ITGA8: variants seen among roughly 807,000 people sequenced by gnomAD.
The protein encoded by ITGA8 is integrin alpha-8.
A neutral mutation model predicts 142.3 loss-of-function variants in ITGA8; 91 were observed. The observed-to-expected ratio is 0.64, with a 90% CI of 0.54 to 0.76. The LOEUF is 0.76. Among genes scored for constraint, ITGA8 ranks in the 30% least tolerant of loss-of-function variants. The pLI, the probability that ITGA8 is intolerant of heterozygous loss-of-function variation, is 0.00. For synonymous variants in ITGA8, 505 were observed against 485.2 expected (o/e 1.04, Z -0.54); for missense variants, 1,406 against 1,327.7 (o/e 1.06, Z -0.92).
At chr10:15,594,138 C>A (rs942312655) in intron 21 of ITGA8, among the ~76,000 whole-genome samples, 7 of 152,058 alleles carry the variant, frequency 4.6e-5, no homozygotes, top group Non-Finnish European at 8.8e-5. Flanking sequence ...AAGGGCCCGG[C>A]CGGATGAATT....
chr10:15,659,095 T>C (rs774740287), intron 9 of ITGA8, 40 bp from the exon 10 acceptor site: 77 of 1,396,734 alleles, frequency 5.5e-5, no homozygotes, highest in Non-Finnish European at 7.1e-5. Flanking sequence ...CCATTTGCCA[T>C]AGAATTGGAG....
At chr10:15,717,148 G>GA (rs1241969890) in intron 2 of ITGA8, among the ~76,000 whole-genome samples, 1 of 151,844 alleles carries the variant, frequency 6.6e-6, no homozygotes, top group Admixed American at 6.6e-5. Flanking sequence ...TTTATCAAAA[G>GA]AAAAAAATAC....
At chr10:15,572,158 T>C (rs1274466825) in intron 25 of ITGA8, 53 bp downstream of exon 25, 1 of 1,441,676 alleles carries the variant, frequency 6.9e-7, no homozygotes, top group Non-Finnish European at 9.4e-7. Context: ...TTGTATTTTT[T>C]TCATACCATA....
intron 20 of ITGA8, among the ~76,000 whole-genome samples, chr10:15,598,835 C>T (rs1833051741): frequency 6.6e-6 from 1 of 152,178 alleles, no homozygotes; most frequent in Non-Finnish European, 1.5e-5. Context: ...TCCTGAAAGA[C>T]AGTTAGTTAC....
intron 4 of ITGA8, among the ~76,000 whole-genome samples, chr10:15,681,961 A>C (rs1834745486): frequency 1.3e-5 from 2 of 152,220 alleles, no homozygotes; most frequent in Admixed American, 6.5e-5. Context: ...TAGCATAACA[A>C]TACTGACCTC....
intron 8 of ITGA8, among the ~76,000 whole-genome samples, chr10:15,665,295 T>C (rs947490161): frequency 2.0e-5 from 3 of 152,244 alleles, no homozygotes; most frequent in African/African-American, 7.2e-5. Flanking sequence ...CATGTGTTTT[T>C]TGGCTGCATA....
chr10:15,647,496 C>T lies in ITGA8; in HGVS notation c.1002-445G>A, dbSNP rs45468992. ...TTTGAGACGGAGTCTCGCTCTGTCG[C>T]CCAGGCCGGACTGCGGACTGCAGTG... On this transcript the variant is annotated intron_variant, in intron 11 of 29. Coordinates refer to ENST00000378076, the MANE Select transcript of ITGA8 (RefSeq NM_003638.3). Among the ~76,000 whole-genome samples the T allele has an allele frequency of 6.4e-4, 89 of 138,314 alleles. 1 individual carries two copies. The highest frequency in any genetic ancestry group is 2.1e-4 in the Non-Finnish European group (14 of 65,736). 90.7% of individuals were successfully genotyped at this position (138,314 alleles called of 152,430 possible). A position where few individuals can be genotyped will look rare whatever the true frequency, so the allele number is the denominator to read the frequency against.
At chr10:15,694,328 T>TATATCATATATCAGATAAC (rs1835000445) in intron 2 of ITGA8, among the ~76,000 whole-genome samples, 1 of 117,406 alleles carries the variant, frequency 8.5e-6, no homozygotes, top group Non-Finnish European at 1.7e-5. Context: ...TATATGATAA[T>TATATCATATATCAGATAAC]ATATCATATA....
chr10:15,553,308 T>G (rs1020293476), intron 26 of ITGA8, among the ~76,000 whole-genome samples: 25 of 150,710 alleles, frequency 1.7e-4, no homozygotes, highest in African/African-American at 6.2e-4. Flanking sequence ...CATAGTTTTT[T>G]TTTTTTTTTT....
intron 6 of ITGA8, among the ~76,000 whole-genome samples, chr10:15,675,841 A>T (rs144328997): frequency 6.6e-6 from 1 of 152,210 alleles, no homozygotes; most frequent in Non-Finnish European, 1.5e-5. Context: ...CAAGCCTTCA[A>T]TGTGAAACCT....
At chr10:15,557,394 A>C (rs1264938275) in intron 26 of ITGA8, among the ~76,000 whole-genome samples, 2 of 152,188 alleles carry the variant, frequency 1.3e-5, no homozygotes, top group Non-Finnish European at 2.9e-5. Flanking sequence ...CAAACAAAAA[A>C]AGTGCTGACT....
chr10:15,697,032 T>A (rs1053814090), intron 2 of ITGA8, among the ~76,000 whole-genome samples: 3 of 89,498 alleles, frequency 3.4e-5, no homozygotes, highest in African/African-American at 1.2e-4. Flanking sequence ...GAGTAAGTAC[T>A]CTCTTGTCTC....
intron 15 of ITGA8, among the ~76,000 whole-genome samples, chr10:15,612,425 C>A (rs921071024): frequency 1.1e-4 from 16 of 152,206 alleles, no homozygotes; most frequent in African/African-American, 3.6e-4. Flanking sequence ...AGTTAGACCA[C>A]GTCTCCTGAA....
chr10:15,693,952 C>A (rs932992462), intron 2 of ITGA8, among the ~76,000 whole-genome samples: 10 of 151,474 alleles, frequency 6.6e-5, no homozygotes, highest in African/African-American at 2.4e-4. Flanking sequence ...GGTATCACAG[C>A]TTGGTATCAC....
intron 2 of ITGA8, among the ~76,000 whole-genome samples, chr10:15,711,663 G>A (rs1308765537): frequency 6.6e-6 from 1 of 151,338 alleles, no homozygotes; most frequent in Non-Finnish European, 1.5e-5. Flanking sequence ...CCCCCCAAAA[G>A]ATTCCCTGCT....
At chr10:15,600,809 T>G (rs1445946653) in intron 20 of ITGA8, among the ~76,000 whole-genome samples, 1 of 152,208 alleles carries the variant, frequency 6.6e-6, no homozygotes, top group Non-Finnish European at 1.5e-5. Flanking sequence ...CAGTGGCTGT[T>G]GGATGGACTC....
At chr10:15,568,093 T>G (rs1013664724) in intron 25 of ITGA8, among the ~76,000 whole-genome samples, 49 of 152,056 alleles carry the variant, frequency 3.2e-4, no homozygotes, top group African/African-American at 1.2e-3. Context: ...GGCTAATTTA[T>G]TTTTATTTTT....
At chr10:15,716,275 A>G (rs1442905504) in intron 2 of ITGA8, among the ~76,000 whole-genome samples, 1 of 152,242 alleles carries the variant, frequency 6.6e-6, no homozygotes, top group Non-Finnish European at 1.5e-5. Flanking sequence ...GTTGATAAGT[A>G]TAATAGTAGG....
chr10:15,542,911 A>T (rs1055800701), intron 27 of ITGA8, among the ~76,000 whole-genome samples: 3 of 152,250 alleles, frequency 2.0e-5, no homozygotes, highest in African/African-American at 7.2e-5. Context: ...GCAGACAAAC[A>T]TCCCTCTTTG....
Sources: allele counts gnomAD v4.1 joint callset (sites outside exome capture counted in the v4.1 genomes callset), GRCh38; gene constraint gnomAD v4.1.1; transcripts MANE v1.5; gene names NCBI Gene and HGNC (gene_info 2026-07-23, HGNC 2026-07-21).